The following CEP164 variants were observed in gnomAD, a reference collection of about 807,000 sequenced individuals.
CEP164 encodes centrosomal protein 164.
In CEP164, 162 loss-of-function variants were observed where a neutral mutation model predicts 182.7. The observed-to-expected ratio is 0.89, with a 90% CI of 0.78 to 1.01. The LOEUF (loss-of-function observed/expected upper bound fraction) is 1.01, where lower values mean the gene tolerates loss of function less well. CEP164 is among the 50% of genes least tolerant of loss of function. The pLI is 0.00. For missense variants in CEP164, 1,735 were observed against 1,790.4 expected, an observed-to-expected ratio of 0.97 and a Z score of 0.56; for synonymous variants, 661 against 690.0, an observed-to-expected ratio of 0.96 and a Z score of 0.66.
intron 2 of CEP164, among the ~76,000 whole-genome samples, chr11:117,337,717 C>T (rs1378797146): frequency 2.0e-5 from 3 of 152,116 alleles, no homozygotes; most frequent in Admixed American, 1.3e-4. Context: ...GTTTTCCTGA[C>T]ACCAGTCTCT....
Position 117,344,408 on chromosome 11 carries a change from C to T in CEP164, c.194+131C>T, listed in dbSNP as rs2038593087. On this transcript the variant is annotated intron_variant, in intron 4 of 32. Transcript: ENST00000278935. ...ACAGTCAGGGACAGTACTGTGCCAC[C>T]CCTCTGCTATGCTGCCTGCTATTTC... 8.2e-6 allele frequency: 5 copies of T among 611,770 alleles called. No homozygotes were observed. The East Asian group carries it at 1.4e-4, about 17-fold the overall frequency. The allele number at this position is 611,770 out of a possible 1,614,324, so 37.9% of individuals were successfully genotyped here.
Position 117,394,588 on chromosome 11 carries a change from C to T in CEP164, c.2760+95C>T. The T allele has an allele frequency of 1.4e-6, 2 of 1,470,516 alleles. No homozygotes were observed. The highest frequency in any genetic ancestry group is 2.6e-5 in the South Asian group (2 of 76,032). 91.1% of individuals were successfully genotyped at this position (1,470,516 alleles called of 1,614,324 possible). On this transcript the variant is annotated intron_variant, in intron 21 of 32. Transcript: ENST00000278935. The surrounding 1 kb of genome is among the most constrained non-coding windows in gnomAD (Gnocchi z 4.0). Reference sequence around the variant, plus strand: ...ACGCATGGCCCCAGCAGGATGCAGCCTGACAGCTTCTGGAGTGAGAGTCTC... The same window carrying T: ...ACGCATGGCCCCAGCAGGATGCAGCTTGACAGCTTCTGGAGTGAGAGTCTC...
chr11:117,328,539 C>T (rs2035676254), intron 1 of CEP164, among the ~76,000 whole-genome samples: 1 of 152,180 alleles, frequency 6.6e-6, no homozygotes, highest in South Asian at 2.1e-4. Flanking sequence ...AGAAAGCTCC[C>T]TTCTACTCGG....
At chr11:117,327,842 C>T (rs1006056532), upstream of CEP164, 3 of 152,238 alleles carry the variant, frequency 2.0e-5, no homozygotes, top group Non-Finnish European at 2.9e-5. Context: ...GGTACCTTTT[C>T]CGGAAGTGTT....
At chr11:117,362,235 A>G (rs1314155612) in intron 6 of CEP164, among the ~76,000 whole-genome samples, 169 bp from the exon 7 acceptor site, 1 of 152,172 alleles carries the variant, frequency 6.6e-6, no homozygotes, top group Non-Finnish European at 1.5e-5. Context: ...AGGCAGTAGG[A>G]GTAGGCAAAG....
intron 20 of CEP164, among the ~76,000 whole-genome samples, chr11:117,393,478 C>T (rs952040246): frequency 1.3e-5 from 2 of 152,154 alleles, no homozygotes; most frequent in Non-Finnish European, 2.9e-5. Context: ...CTGTTCTGAG[C>T]TCTTTATCTA....
rs764916216 is a variant in CEP164 at position 117,396,629 on chromosome 11, G to C, written c.3278+18G>C. The C allele has an allele frequency of 6.2e-7, 1 of 1,601,730 alleles. No homozygotes were observed. Among genetic ancestry groups the C allele is most frequent in the South Asian group, 1.1e-5 (1 of 90,792 alleles). ...TTGGACAGGTGAGTTCCCATAGCCT[G>C]TCTTATTTGAGGTTAGGGTACCATG... On this transcript the variant is annotated intron_variant, in intron 26 of 32. Coordinates refer to ENST00000278935, the MANE Select transcript of CEP164 (RefSeq NM_014956.5).
chr11:117,337,703 G>A (rs1373684294), intron 2 of CEP164, among the ~76,000 whole-genome samples: 3 of 152,018 alleles, frequency 2.0e-5, no homozygotes, highest in African/African-American at 7.3e-5. Context: ...AGCCTCCTCA[G>A]GTGGTTTTCC....
upstream of CEP164, among the ~76,000 whole-genome samples, chr11:117,327,617 C>T (rs1434900318): frequency 1.1e-4 from 17 of 152,016 alleles, no homozygotes; most frequent in East Asian, 3.1e-3. Flanking sequence ...GGTTCTCTTT[C>T]AACCTCTTGC....
chr11:117,392,138 C>T lies in CEP164; in HGVS notation c.2284-88C>T, dbSNP rs1329898187. 4.2e-6 allele frequency: 5 copies of T among 1,201,588 alleles called. No individual in the cohort carries two copies. The East Asian group carries it at 9.7e-5, about 23-fold the overall frequency. 74.4% of individuals were successfully genotyped at this position (1,201,588 alleles called of 1,614,324 possible). The stretch of plus-strand genomic sequence containing the variant: ...CTTCCCTTGACCCTGATCTCGAGGG[C>T]TTGGGGGTCGGTAGTCTTCCTGGCT... On this transcript the variant is annotated intron_variant, in intron 17 of 32. Coordinates refer to ENST00000278935, the MANE Select transcript of CEP164 (RefSeq NM_014956.5).
At chr11:117,329,493 A>G (rs1370618515) in intron 1 of CEP164, among the ~76,000 whole-genome samples, 2 of 152,220 alleles carry the variant, frequency 1.3e-5, no homozygotes, top group East Asian at 1.9e-4. Flanking sequence ...GGATACTTAC[A>G]TATTCTGCTC....
chr11:117,395,252 C>A, intron 23 of CEP164, 61 bp downstream of exon 23: 1 of 1,571,412 alleles, frequency 6.4e-7, no homozygotes, highest in Non-Finnish European at 8.7e-7. Flanking sequence ...TTTCTTCTCC[C>A]TGTTCCCCAC....
At chr11:117,390,673 T>C (rs756592962) in intron 15 of CEP164, 104 bp from the exon 16 acceptor site, 5 of 1,421,972 alleles carry the variant, frequency 3.5e-6, no homozygotes, top group Admixed American at 2.2e-5. Context: ...AGGAAGTTTC[T>C]TAGGCAGGCA....
chr11:117,340,235 C>T (rs1171056856), intron 3 of CEP164, among the ~76,000 whole-genome samples: 4 of 152,152 alleles, frequency 2.6e-5, no homozygotes, highest in South Asian at 2.1e-4. Context: ...GCCATGTTGG[C>T]GAGGCTGGTC....
chr11:117,353,299 T>C (rs1012623359), intron 5 of CEP164, among the ~76,000 whole-genome samples: 8 of 152,178 alleles, frequency 5.3e-5, no homozygotes, highest in Non-Finnish European at 1.0e-4. Context: ...CCCTGACATG[T>C]TACTCACGGT....
At chr11:117,408,760 G>A in intron 28 of CEP164, 130 bp from the exon 29 acceptor site, 2 of 1,229,202 alleles carry the variant, frequency 1.6e-6, no homozygotes, top group Admixed American at 2.6e-5. Context: ...ATTTGCGTAA[G>A]AAAACCAGCT....
intron 4 of CEP164, among the ~76,000 whole-genome samples, chr11:117,346,959 A>G (rs1392593059): frequency 6.6e-6 from 1 of 152,050 alleles, no homozygotes; most frequent in Non-Finnish European, 1.5e-5. Flanking sequence ...CCTAAGGGTA[A>G]TTACTATTAA....
chr11:117,408,971 A>G lies in CEP164; in HGVS notation c.3691A>G (p.Ser1231Gly). The G allele has an allele frequency of 6.2e-7, 1 of 1,614,130 alleles. No homozygotes were observed. Reference sequence around the variant, plus strand: ...CCTCAGTGACATGGACAGCCTGAGCAGTGAAAGTTCTGAATCTTTTTCCCC... The same window carrying G: ...CCTCAGTGACATGGACAGCCTGAGCGGTGAAAGTTCTGAATCTTTTTCCCC... ...FDLSDMDSLS[S>G]ESSESFSPPH... is the part of the protein sequence containing the mutation. The change falls in exon 29 of 33, where the codon AGT becomes GGT. Residue 1231 changes from serine to glycine, a missense_variant. Ser to Gly is a moderately conservative substitution (Grantham distance 56). Coordinates refer to ENST00000278935, the MANE Select transcript of CEP164 (RefSeq NM_014956.5).
chr11:117,407,489 G>GA (rs2046840021), intron 27 of CEP164, among the ~76,000 whole-genome samples: 1 of 128,520 alleles, frequency 7.8e-6, no homozygotes, highest in African/African-American at 2.8e-5. Flanking sequence ...AAGAGAAAAA[G>GA]AAAAAAGAAA....
Sources: gnomAD v4.1 joint callset for allele counts (sites outside exome capture counted in the v4.1 genomes callset) on GRCh38, gnomAD v4.1.1 for gene constraint, Gnocchi (gnomAD v3.1) non-coding constraint, MANE v1.5 for transcripts, NCBI Gene and HGNC (gene_info 2026-07-23, HGNC 2026-07-21) for gene names.